The following CECR2 variants were observed in gnomAD, a reference collection of about 807,000 sequenced individuals.
CECR2 encodes chromatin remodeling regulator CECR2.
Under a neutral mutation model 154.5 loss-of-function variants are expected in CECR2, and 30 were observed. That is an observed-to-expected ratio of 0.19 (90% CI 0.15 to 0.26). The LOEUF (loss-of-function observed/expected upper bound fraction) is 0.26. Among genes scored for constraint, CECR2 ranks in the 10% least tolerant of loss-of-function variants. The probability of loss-of-function intolerance (pLI) is 1.00; values close to 1 mark genes in which losing one functional copy is unlikely to be tolerated. For synonymous variants in CECR2, 725 were observed against 683.7 expected, an observed-to-expected ratio of 1.06 and a Z score of -0.94; for missense variants, 1,743 against 1,829.3, an observed-to-expected ratio of 0.95 and a Z score of 0.86.
rs138534694 is a variant in CECR2 at position 17,414,249 on chromosome 22, G to A, written c.126+44340G>A. 4.6e-3 allele frequency among the ~76,000 whole-genome samples: 694 copies of A among 152,326 alleles called. 4 individuals carry two copies. Among genetic ancestry groups the A allele is most frequent in the African/African-American group, 0.016 (654 of 41,560 alleles). On this transcript the variant is annotated intron_variant, in intron 1 of 18. Coordinates refer to ENST00000262608, the MANE Select transcript of CECR2 (RefSeq NM_001290047.2). ...GGCCTCCCAAAGTGCTGGGATTACA[G>A]GCGTGAGCCACTGCGCCCGGCGGAA...
intron 8 of CECR2, chr22:17,518,616 C>T (rs905254818): frequency 4.1e-5 from 17 of 411,768 alleles, no homozygotes; most frequent in East Asian, 3.7e-4. Flanking sequence ...CGGATGGTTT[C>T]CCCATGGGCT....
intron 9 of CECR2, chr22:17,534,687 T>TC (rs2056410707): frequency 6.8e-6 from 1 of 147,666 alleles, no homozygotes; most frequent in African/African-American, 2.6e-5. Context: ...TTTTTTTCTT[T>TC]TTTTTTTCTT....
At chr22:17,530,144 G>A (rs2056330894) in intron 9 of CECR2, among the ~76,000 whole-genome samples, 1 of 151,116 alleles carries the variant, frequency 6.6e-6, no homozygotes, top group East Asian at 1.9e-4. Context: ...AGTGCTGATG[G>A]TCACTCATCT....
At chr22:17,435,292 A>G (rs2054487297) in intron 1 of CECR2, among the ~76,000 whole-genome samples, 1 of 152,078 alleles carries the variant, frequency 6.6e-6, no homozygotes, top group Admixed American at 6.5e-5. Context: ...CCAGTTTGCA[A>G]TTTCTTATGC....
intron 18 of CECR2, among the ~76,000 whole-genome samples, 168 bp from the exon 19 acceptor site, chr22:17,552,667 A>G (rs1157826242): frequency 6.6e-6 from 1 of 152,018 alleles, no homozygotes; most frequent in Non-Finnish European, 1.5e-5. Flanking sequence ...CTGAATTGAG[A>G]AGTCCAGGAC....
intron 1 of CECR2, among the ~76,000 whole-genome samples, chr22:17,389,675 T>C (rs1445350612): frequency 6.6e-6 from 1 of 152,128 alleles, no homozygotes; most frequent in Non-Finnish European, 1.5e-5. Flanking sequence ...TTGCCCAGGC[T>C]GGAGTTCAGT....
intron 1 of CECR2, among the ~76,000 whole-genome samples, chr22:17,439,962 T>C (rs550378187): frequency 2.0e-5 from 3 of 151,936 alleles, no homozygotes; most frequent in South Asian, 2.1e-4. Flanking sequence ...TTGCACAAGA[T>C]AGAAAATGTG....
chr22:17,431,768 G>A (rs1349092036), intron 1 of CECR2, among the ~76,000 whole-genome samples: 3 of 96,270 alleles, frequency 3.1e-5, no homozygotes, highest in East Asian at 2.3e-4. Context: ...AGTATCCCTC[G>A]TATTTTTTTT....
chr22:17,481,854 C>A (rs1000184177), intron 2 of CECR2, among the ~76,000 whole-genome samples: 1 of 151,978 alleles, frequency 6.6e-6, no homozygotes, highest in South Asian at 2.1e-4. Flanking sequence ...TGGTGGCTCA[C>A]GCCTGTAATC....
intron 1 of CECR2, among the ~76,000 whole-genome samples, chr22:17,468,087 A>G (rs1414392182): frequency 1.3e-5 from 2 of 152,182 alleles, no homozygotes; most frequent in African/African-American, 4.8e-5. Flanking sequence ...CTATGGAGGT[A>G]CTTAAAATAC....
intron 1 of CECR2, among the ~76,000 whole-genome samples, chr22:17,377,727 A>G (rs1472204267): frequency 2.0e-5 from 3 of 152,206 alleles, no homozygotes; most frequent in African/African-American, 7.2e-5. Context: ...ATGGGATGCT[A>G]TCCCTTGGAT....
chr22:17,383,914 C>G (rs1333926899), intron 1 of CECR2, among the ~76,000 whole-genome samples: 2 of 152,106 alleles, frequency 1.3e-5, no homozygotes, highest in Admixed American at 1.3e-4. Flanking sequence ...CTCAGGTGAT[C>G]CACCTACCTC....
chr22:17,415,854 T>G lies in CECR2; in HGVS notation c.126+45945T>G, dbSNP rs9617575. ...TTATCTCTCTGTTGTTTGTTCATCA[T>G]CCCATCAATCCGTCGGTCCATTGTG... On this transcript the variant is annotated intron_variant, in intron 1 of 18. Coordinates refer to ENST00000262608, the MANE Select transcript of CECR2 (RefSeq NM_001290047.2). Among the ~76,000 whole-genome samples the G allele has an allele frequency of 8.5e-3, 1,290 of 152,326 alleles. 19 individuals are homozygous for G. The highest frequency in any genetic ancestry group is 0.029 in the African/African-American group (1,215 of 41,564).
At chr22:17,477,719 C>A in intron 2 of CECR2, 37 bp downstream of exon 2, 1 of 1,424,328 alleles carries the variant, frequency 7.0e-7, no homozygotes, top group Non-Finnish European at 9.9e-7. Context: ...TTTCTTGCGC[C>A]AAGAACTAAT....
intron 10 of CECR2, among the ~76,000 whole-genome samples, chr22:17,538,269 T>G (rs750348680): frequency 4.6e-5 from 7 of 152,164 alleles, no homozygotes; most frequent in Non-Finnish European, 8.8e-5. Flanking sequence ...TCTAGAACCA[T>G]AAAGTTCTGG....
At chr22:17,465,906 A>G (rs968582680) in intron 1 of CECR2, among the ~76,000 whole-genome samples, 14 of 152,236 alleles carry the variant, frequency 9.2e-5, no homozygotes, top group African/African-American at 3.4e-4. Flanking sequence ...GGCATGAGCC[A>G]CTGCACCCTG....
At chr22:17,539,276 T>G in intron 13 of CECR2, 157 bp downstream of exon 13, 1 of 768,186 alleles carries the variant, frequency 1.3e-6, no homozygotes, top group Non-Finnish European at 2.0e-6. Context: ...ACTTATACAG[T>G]GTCTGCCAGG....
chr22:17,431,409 G>A (rs958484547), intron 1 of CECR2, among the ~76,000 whole-genome samples: 1 of 152,206 alleles, frequency 6.6e-6, no homozygotes, highest in Non-Finnish European at 1.5e-5. Flanking sequence ...TGACACAGAA[G>A]TTATTGTACA....
chr22:17,377,824 C>G (rs1377070451), intron 1 of CECR2, among the ~76,000 whole-genome samples: 1 of 152,142 alleles, frequency 6.6e-6, no homozygotes, highest in South Asian at 2.1e-4. Context: ...TTCAGCAGCT[C>G]TTAGGATTGA....
Sources: allele counts gnomAD v4.1 joint callset (sites outside exome capture counted in the v4.1 genomes callset), GRCh38; gene constraint gnomAD v4.1.1; transcripts MANE v1.5; gene names NCBI Gene and HGNC (gene_info 2026-07-23, HGNC 2026-07-21).